MGRN1: variants seen among roughly 807,000 people sequenced by gnomAD.
MGRN1 encodes the protein mahogunin ring finger 1, also known as E3 ubiquitin-protein ligase MGRN1.
A neutral mutation model predicts 69.2 loss-of-function variants in MGRN1; 29 were observed. The observed-to-expected ratio is 0.42, with a 90% CI of 0.31 to 0.57. The LOEUF is 0.57. Ranked by LOEUF, MGRN1 falls within the 20% of genes least tolerant of loss-of-function variation. MGRN1 has a pLI of 0.15. For missense variants in MGRN1, 998 were observed against 796.2 expected (o/e 1.25, Z -3.05); for synonymous variants, 470 against 344.2 (o/e 1.37, Z -4.04).
chr16:4,686,444 C>T (rs980084237), intron 16 of MGRN1: 25 of 1,425,508 alleles, frequency 1.8e-5, no homozygotes, highest in South Asian at 4.6e-5. Context: ...CCCTGGATTC[C>T]GAATCCAGAG....
intron 9 of MGRN1, among the ~76,000 whole-genome samples, chr16:4,673,084 C>T (rs936594868): frequency 1.3e-4 from 20 of 152,102 alleles, no homozygotes; most frequent in Non-Finnish European, 2.4e-4. Context: ...GTGATCTGCC[C>T]GCCTCAGCCT....
At chr16:4,640,733 G>GT (rs150218728) in intron 1 of MGRN1, 4,760 of 152,360 alleles carry the variant, frequency 0.031, 247 homozygotes, top group African/African-American at 0.11. Flanking sequence ...CTTGGGTGTG[G>GT]TTTTTTGTGT....
At chr16:4,655,600 GC>G (rs2078519245) in intron 4 of MGRN1, among the ~76,000 whole-genome samples, 1 of 151,994 alleles carries the variant, frequency 6.6e-6, no homozygotes, top group Admixed American at 6.6e-5. Flanking sequence ...CTGGTACGAG[GC>G]CTGCTTCCCC....
chr16:4,678,544 C>CAGATGTGGAGAGACAGGGTGAGAG (rs1057367402), intron 11 of MGRN1, among the ~76,000 whole-genome samples: 3 of 148,684 alleles, frequency 2.0e-5, no homozygotes, highest in Admixed American at 1.3e-4. Context: ...GACGGAGAGA[C>CAGATGTGGAGAGACAGGGTGAGAG]AGATGTGGAG....
At chr16:4,685,595 G>C (rs2079293995) in intron 16 of MGRN1, among the ~76,000 whole-genome samples, 1 of 152,244 alleles carries the variant, frequency 6.6e-6, no homozygotes, top group South Asian at 2.1e-4. Context: ...CCTCAGTTCT[G>C]AGCCACGGAG....
chr16:4,672,990 C>T (rs1474571009), intron 9 of MGRN1, among the ~76,000 whole-genome samples: 9 of 152,146 alleles, frequency 5.9e-5, no homozygotes, highest in African/African-American at 2.2e-4. Context: ...AAGCACGTGC[C>T]ACCATGCCCG....
At chr16:4,679,456 C>T (rs2079128156) in intron 11 of MGRN1, among the ~76,000 whole-genome samples, 1 of 152,088 alleles carries the variant, frequency 6.6e-6, no homozygotes, top group Admixed American at 6.5e-5. Context: ...CGCTCCTCCT[C>T]ACCTGCCAGG....
At chr16:4,629,135 C>T (rs191969789) in intron 1 of MGRN1, among the ~76,000 whole-genome samples, 165 of 139,172 alleles carry the variant, frequency 1.2e-3, no homozygotes, top group African/African-American at 4.3e-3. Context: ...TGCACCTGGC[C>T]TGCTTTCTGT....
Position 4,652,807 on chromosome 16 carries a change from C to G in MGRN1, c.426C>G (p.Phe142Leu). ...ITIYCQASEE[F>L]LNGRAVYSPK... ...TCTACTGCCAGGCATCGGAGGAGTTCCTGAACGGCAGGGCAGTGTGAGTCC... is the reference window on the plus strand; with the variant it reads ...TCTACTGCCAGGCATCGGAGGAGTTGCTGAACGGCAGGGCAGTGTGAGTCC... Residue 142 changes from phenylalanine to leucine, a missense_variant, in exon 4 of 17, where the codon TTC becomes TTG. Phe to Leu is a conservative substitution (Grantham distance 22). Coordinates refer to ENST00000262370, the MANE Select transcript of MGRN1 (RefSeq NM_015246.4). 6 of 1,609,684 alleles carry G rather than the reference C, an allele frequency of 3.7e-6. No individual in the cohort carries two copies. The highest frequency in any genetic ancestry group is 5.1e-6 in the Non-Finnish European group (6 of 1,177,990).
rs746944075 is a variant in MGRN1, at chr16:4,677,582, G to A, written c.1065+10G>A. ...GCATGATGAGCACTCTGTAAGTGCCGCCTCCTGCCTGCGGGATGGGCGGGA... is the reference window on the plus strand; with the variant it reads ...GCATGATGAGCACTCTGTAAGTGCCACCTCCTGCCTGCGGGATGGGCGGGA... On this transcript the variant is annotated intron_variant, in intron 11 of 16. Coordinates refer to ENST00000262370, the MANE Select transcript of MGRN1 (RefSeq NM_015246.4). 1.0e-5 allele frequency: 16 copies of A among 1,597,346 alleles called. No homozygotes were observed. The highest frequency in any genetic ancestry group is 1.3e-5 in the Non-Finnish European group (15 of 1,178,146).
Position 4,668,254 on chromosome 16 carries a change from C to G in MGRN1, c.679-11C>G, listed in dbSNP as rs754038589. ...TGACCACCTTAACCTCTTTGTCTTT[C>G]TCCCCTGCAGCACATGGACGGCAGC... On this transcript the variant is annotated splice_polypyrimidine_tract_variant and intron_variant, in intron 7 of 16. Transcript: ENST00000262370. 4 of 1,613,572 alleles carry G rather than the reference C, an allele frequency of 2.5e-6. No individual in the cohort carries two copies. In the East Asian group the frequency reaches 8.9e-5, roughly 36 times the overall value.
In MGRN1 at chr16:4,688,665, G is replaced by C. The variant is rs969512796; in HGVS notation, c.1619-131G>C. On this transcript the variant is annotated intron_variant, in intron 16 of 16. Transcript: ENST00000262370. ...GTGTGCTCACATCTGAGTGAATGCT[G>C]TTGTGGCCACAGGCGGCGGGAGTGG... 6.2e-6 allele frequency: 9 copies of C among 1,444,148 alleles called. No homozygotes were observed. The Admixed American group carries it at 8.2e-5, about 13-fold the overall frequency. The allele number at this position is 1,444,148 out of a possible 1,614,324, so 89.5% of individuals were successfully genotyped here. A position where few individuals can be genotyped will look rare whatever the true frequency, so the allele number is the denominator to read the frequency against.
chr16:4,687,024 C>T (rs1422449146), intron 16 of MGRN1: 3 of 985,608 alleles, frequency 3.0e-6, no homozygotes, highest in Admixed American at 6.1e-5. Context: ...CCCGCTCCCT[C>T]CTTCCCTTGT....
chr16:4,635,801 ATT>A (rs34343082), intron 1 of MGRN1, among the ~76,000 whole-genome samples: 13 of 125,660 alleles, frequency 1.0e-4, no homozygotes, highest in Admixed American at 2.4e-4. Flanking sequence ...CGCCCAGCTA[ATT>A]TTTTTTTTTT....
Position 4,668,320 on chromosome 16 carries a change from A to C in MGRN1, c.726+8A>C, listed in dbSNP as rs374049184. Reference sequence around the variant, plus strand: ...TTAAAGCAGAAGCAAATTGTAAGTCATCAGAGGAAATATGACGTGCTTGAA... The same window carrying C: ...TTAAAGCAGAAGCAAATTGTAAGTCCTCAGAGGAAATATGACGTGCTTGAA... On this transcript the variant is annotated splice_region_variant and intron_variant, in intron 8 of 16. Transcript: ENST00000262370. 6.2e-7 allele frequency: 1 copy of C among 1,613,790 alleles called. No individual in the cohort carries two copies.
intron 7 of MGRN1, among the ~76,000 whole-genome samples, chr16:4,666,578 C>G (rs1049574047): frequency 6.6e-6 from 1 of 152,200 alleles, no homozygotes; most frequent in South Asian, 2.1e-4. Context: ...TGCCTTCGCC[C>G]TGGGGTGTGC....
chr16:4,655,210 A>C (rs552439729), intron 4 of MGRN1, among the ~76,000 whole-genome samples: 2 of 152,266 alleles, frequency 1.3e-5, no homozygotes, highest in South Asian at 4.2e-4. Context: ...CTGAGGACAC[A>C]GGCCAGTGTA....
intron 5 of MGRN1, among the ~76,000 whole-genome samples, chr16:4,661,058 C>G (rs1405176387): frequency 6.6e-6 from 1 of 152,118 alleles, no homozygotes; most frequent in Admixed American, 6.5e-5. Context: ...CACAGCTTGC[C>G]GCAGCCTCGA....
At chr16:4,646,912 G>A (rs909490159) in intron 1 of MGRN1, among the ~76,000 whole-genome samples, 2 of 152,014 alleles carry the variant, frequency 1.3e-5, no homozygotes, top group African/African-American at 4.8e-5. Context: ...CCAGTGCCTC[G>A]GCCTGGAAGG....
Sources: allele counts gnomAD v4.1 joint callset (sites outside exome capture counted in the v4.1 genomes callset), GRCh38; gene constraint gnomAD v4.1.1; transcripts MANE v1.5; gene names NCBI Gene and HGNC (gene_info 2026-07-23, HGNC 2026-07-21).